The following XPO4 variants were observed in gnomAD, a reference collection of about 807,000 sequenced individuals.
The protein encoded by XPO4 is exportin 4.
XPO4 carries 39 observed loss-of-function variants against 143.0 expected under a neutral mutation model. The ratio of observed to expected loss-of-function variants is 0.27; its 90% CI spans 0.21 to 0.36. XPO4 has a LOEUF of 0.36. Among genes scored for constraint, XPO4 ranks in the 10% least tolerant of loss-of-function variants. XPO4 has a pLI of 1.00. For synonymous variants in XPO4, 439 were observed against 474.0 expected, an observed-to-expected ratio of 0.93 and a Z score of 0.96; for missense variants, 907 against 1,348.0, an observed-to-expected ratio of 0.67 and a Z score of 5.12.
At chr13:20,813,939 C>T (rs7987379) in intron 9 of XPO4, among the ~76,000 whole-genome samples, 54,922 of 146,112 alleles carry the variant, frequency 0.38, 12,148 homozygotes, top group Non-Finnish European at 0.51. Flanking sequence ...GCTTGGGTGA[C>T]AGAGCAAGAC....
chr13:20,797,882 G>A lies in XPO4; in HGVS notation c.2323-825C>T, dbSNP rs1826596798. 2.0e-5 allele frequency among the ~76,000 whole-genome samples: 3 copies of A among 152,200 alleles called. No individual in the cohort carries two copies. The South Asian group carries it at 6.2e-4, about 32-fold the overall frequency. ...ATAATAGAGTTGGCCGGATGCAGTGGCTCACACCTGTAATCCCAACGTTTT... is the reference window on the plus strand; with the variant it reads ...ATAATAGAGTTGGCCGGATGCAGTGACTCACACCTGTAATCCCAACGTTTT... On this transcript the variant is annotated intron_variant, in intron 16 of 22. Transcript: ENST00000255305.
chr13:20,836,692 G>T (rs369928929), intron 6 of XPO4, among the ~76,000 whole-genome samples: 1 of 152,094 alleles, frequency 6.6e-6, no homozygotes, highest in South Asian at 2.1e-4. Flanking sequence ...CACACACTAC[G>T]CAATTTACCC....
chr13:20,826,851 A>G (rs964158422), intron 7 of XPO4, among the ~76,000 whole-genome samples: 1 of 152,174 alleles, frequency 6.6e-6, no homozygotes, highest in African/African-American at 2.4e-5. Flanking sequence ...AAGTTTGAGA[A>G]CTTCTGCTGC....
intron 3 of XPO4, among the ~76,000 whole-genome samples, chr13:20,860,568 G>A (rs2060187554): frequency 6.6e-6 from 1 of 152,168 alleles, no homozygotes; most frequent in Admixed American, 6.5e-5. Flanking sequence ...ACAAGCACTT[G>A]CTGACATTGT....
intron 1 of XPO4, among the ~76,000 whole-genome samples, chr13:20,874,474 T>C (rs1023935872): frequency 2.0e-5 from 3 of 152,184 alleles, no homozygotes; most frequent in Non-Finnish European, 2.9e-5. Context: ...CACGATTAGG[T>C]GATTAGGTCA....
At chr13:20,808,165 T>A (rs2059531560) in intron 12 of XPO4, among the ~76,000 whole-genome samples, 1 of 152,126 alleles carries the variant, frequency 6.6e-6, no homozygotes. Flanking sequence ...TTGGGGATAA[T>A]GACGATGATG....
intron 6 of XPO4, among the ~76,000 whole-genome samples, chr13:20,835,406 G>T (rs1423161683): frequency 1.3e-5 from 2 of 152,074 alleles, no homozygotes; most frequent in Non-Finnish European, 2.9e-5. Flanking sequence ...AAGAAACCTA[G>T]ACAAAGCTGG....
chr13:20,896,933 G>A (rs1418053576), intron 1 of XPO4, among the ~76,000 whole-genome samples: 12 of 152,158 alleles, frequency 7.9e-5, no homozygotes, highest in Admixed American at 5.9e-4. Flanking sequence ...GGCATCTATG[G>A]ATGATTTCAA....
chr13:20,856,320 C>T (rs1450399218), intron 3 of XPO4: 3 of 984,860 alleles, frequency 3.0e-6, no homozygotes, highest in Non-Finnish European at 3.6e-6. Flanking sequence ...TTGTAAAACA[C>T]ACACACACAA....
intron 1 of XPO4, among the ~76,000 whole-genome samples, chr13:20,896,999 C>T (rs1211940422): frequency 2.0e-5 from 3 of 152,188 alleles, no homozygotes; most frequent in Non-Finnish European, 2.9e-5. Context: ...TAGTGTGACA[C>T]AAGTCCAACT....
intron 1 of XPO4, among the ~76,000 whole-genome samples, chr13:20,871,341 A>G (rs1425249554): frequency 6.6e-6 from 1 of 152,076 alleles, no homozygotes; most frequent in East Asian, 1.9e-4. Context: ...GTTTTTTAAA[A>G]CAGAGTGTCA....
In XPO4 at chr13:20,805,195, T is replaced by C. The variant is rs570726142; in HGVS notation, c.1817+2262A>G. 4.6e-5 allele frequency among the ~76,000 whole-genome samples: 7 copies of C among 152,108 alleles called. No homozygotes were observed. The East Asian group carries it at 1.2e-3, about 25-fold the overall frequency. ...TCTGAGCTAAGGCAATCTGCCCACATTGGCCTCCCAAAGTGCTAGGATTAC... is the reference window on the plus strand; with the variant it reads ...TCTGAGCTAAGGCAATCTGCCCACACTGGCCTCCCAAAGTGCTAGGATTAC... On this transcript the variant is annotated intron_variant, in intron 13 of 22. Coordinates refer to ENST00000255305, the MANE Select transcript of XPO4 (RefSeq NM_022459.5).
intron 19 of XPO4, 44 bp downstream of exon 19, chr13:20,790,418 C>T: frequency 7.0e-7 from 1 of 1,427,178 alleles, no homozygotes; most frequent in Non-Finnish European, 9.9e-7. Flanking sequence ...CTTTGAACTT[C>T]AGTTACACAT....
chr13:20,782,199 T>A lies in XPO4; in HGVS notation c.*1523A>T, dbSNP rs1265144272. 1 of 152,238 alleles carries A rather than the reference T, an allele frequency of 6.6e-6. No individual in the cohort carries two copies. The highest frequency in any genetic ancestry group is 2.4e-5 in the African/African-American group (1 of 41,464). 9.4% of individuals were successfully genotyped at this position (152,238 alleles called of 1,614,324 possible). ...GCATCACATGTAATGACACATATGC[T>A]ATATGCAATCAGGTAGAAAAACCGT... On this transcript the variant is annotated 3_prime_UTR_variant, in exon 23 of 23. Coordinates refer to ENST00000255305, the MANE Select transcript of XPO4 (RefSeq NM_022459.5).
At chr13:20,851,666 C>A (rs1221638686) in intron 4 of XPO4, 1 of 732,442 alleles carries the variant, frequency 1.4e-6, no homozygotes, top group Non-Finnish European at 1.6e-6. Context: ...GCCAAGACTA[C>A]ACCATTGCCC....
intron 1 of XPO4, among the ~76,000 whole-genome samples, chr13:20,889,994 T>G (rs1005255176): frequency 2.0e-5 from 3 of 152,212 alleles, no homozygotes; most frequent in African/African-American, 4.8e-5. Flanking sequence ...GTCAAAAGCA[T>G]TGTGCTTTGC....
At position 20,902,739 on chromosome 13, in the gene XPO4, G is replaced by C; in HGVS notation, c.-1C>G. On this transcript the variant is annotated 5_prime_UTR_variant, in exon 1 of 23. Transcript: ENST00000255305. ...GGGGCCCCAGCGCCGCCGCCATCAT[G>C]GTCTCTCTTCAATGACGCGCCATGC... 6.4e-7 allele frequency: 1 copy of C among 1,553,146 alleles called. No individual in the cohort carries two copies. The highest frequency in any genetic ancestry group is 1.2e-5 in the South Asian group (1 of 84,942).
intron 6 of XPO4, among the ~76,000 whole-genome samples, chr13:20,842,123 T>G (rs2059981662): frequency 1.3e-5 from 2 of 152,194 alleles, no homozygotes; most frequent in East Asian, 3.8e-4. Flanking sequence ...CATTTTACAT[T>G]TGGAAAAGCT....
In XPO4 at chr13:20,902,740, GTCTC is replaced by G. The variant is rs766354746; in HGVS notation, c.-6_-3del. 57 of 1,552,020 alleles carry G rather than the reference GTCTC, an allele frequency of 3.7e-5. No homozygotes were observed. In the East Asian group the frequency reaches 1.5e-3, roughly 40 times the overall value. On this transcript the variant is annotated 5_prime_UTR_variant, in exon 1 of 23. Coordinates refer to ENST00000255305, the MANE Select transcript of XPO4 (RefSeq NM_022459.5). ...GGGCCCCAGCGCCGCCGCCATCATG[GTCTC>G]TCTTCAATGACGCGCCATGCGCTGC... is the stretch of plus-strand genomic sequence containing the variant.
Sources: allele counts gnomAD v4.1 joint callset (sites outside exome capture counted in the v4.1 genomes callset), GRCh38; gene constraint gnomAD v4.1.1; transcripts MANE v1.5; gene names NCBI Gene and HGNC (gene_info 2026-07-23, HGNC 2026-07-21).